ZBTB37: variants seen among roughly 807,000 people sequenced by gnomAD.
ZBTB37 encodes the protein zinc finger and BTB domain-containing protein 37.
A neutral mutation model predicts 37.7 loss-of-function variants in ZBTB37; 15 were observed. That is an observed-to-expected ratio of 0.40 (90% CI 0.27 to 0.61). The LOEUF (loss-of-function observed/expected upper bound fraction) is 0.61. Ranked by LOEUF, ZBTB37 falls within the 20% of genes least tolerant of loss-of-function variation. ZBTB37 has a pLI of 0.44. For missense variants in ZBTB37, 514 were observed against 641.9 expected, an observed-to-expected ratio of 0.80 and a Z score of 2.15; for synonymous variants, 231 against 220.6, an observed-to-expected ratio of 1.05 and a Z score of -0.42.
chr1:173,873,615 A>G (rs1007674241), intron 4 of ZBTB37, 49 bp downstream of exon 4: 7 of 1,611,840 alleles, frequency 4.3e-6, no homozygotes, highest in Admixed American at 3.4e-5. Context: ...AGGAATTGCT[A>G]CTGTGTATGA....
At chr1:173,882,486 C>T (rs896030537) in intron 4 of ZBTB37, among the ~76,000 whole-genome samples, 1 of 152,046 alleles carries the variant, frequency 6.6e-6, no homozygotes, top group African/African-American at 2.4e-5. Context: ...ATGATTCGCC[C>T]ACCTCGGCCT....
downstream of ZBTB37, chr1:173,889,091 T>A (rs1173598163): frequency 6.6e-6 from 1 of 152,226 alleles, no homozygotes; most frequent in Admixed American, 6.5e-5. Flanking sequence ...GCCACAAAAT[T>A]CATGAAAATT....
chr1:173,897,895 A>T (rs936994547), exon 4 of ZBTB37: 1 of 152,178 alleles, frequency 6.6e-6, no homozygotes, highest in African/African-American at 2.4e-5. Context: ...TCAATATTTA[A>T]TTTTGTTGCC....
chr1:173,874,235 A>G (rs1238171097), intron 4 of ZBTB37, among the ~76,000 whole-genome samples: 2 of 148,826 alleles, frequency 1.3e-5, no homozygotes, highest in African/African-American at 4.9e-5. Flanking sequence ...AGCCTGGGCC[A>G]CAAGAGTGAA....
At position 173,870,552 on chromosome 1, in the gene ZBTB37, G is replaced by A. The variant is rs200302189; in HGVS notation, c.327G>A (p.Leu109=). The A allele has an allele frequency of 7.7e-4, 1,247 of 1,614,128 alleles. 18 individuals carry two copies. The South Asian group carries it at 0.013, about 17-fold the overall frequency. The change falls in exon 3 of 5, where the codon CTG becomes CTA. Residue 109 remains leucine (L), a synonymous_variant. Coordinates refer to ENST00000427304, the Ensembl canonical transcript of ZBTB37. ...GCTACCTAACAGCTGCCAGTTTTCT[G>A]CAAATGCAGCATATTATAGACAAAT...
Position 173,886,198 on chromosome 1 carries a change from T to C in ZBTB37, c.*74T>C, listed in dbSNP as rs1279290361. 1.1e-5 allele frequency: 16 copies of C among 1,467,278 alleles called. No individual in the cohort carries two copies. The Admixed American group carries it at 3.2e-4, about 29-fold the overall frequency. The allele number at this position is 1,467,278 out of a possible 1,614,324, so 90.9% of individuals were successfully genotyped here. On this transcript the variant is annotated 3_prime_UTR_variant, in exon 5 of 5. Transcript: ENST00000427304. Reference sequence around the variant, plus strand: ...AGCCAGCATCAGAGCCATGGGCTGATACTTAGATTCACAAAATGCCACATC... The same window carrying C: ...AGCCAGCATCAGAGCCATGGGCTGACACTTAGATTCACAAAATGCCACATC...
chr1:173,889,255 A>G (rs1341508036), downstream of ZBTB37: 1 of 152,262 alleles, frequency 6.6e-6, no homozygotes, highest in Admixed American at 6.5e-5. Context: ...CACATTGGTC[A>G]TAGGAGTTAC....
chr1:173,875,435 C>G (rs1655908375), intron 4 of ZBTB37, among the ~76,000 whole-genome samples: 1 of 150,680 alleles, frequency 6.6e-6, no homozygotes, highest in Admixed American at 6.6e-5. Context: ...AAACGGTTCT[C>G]CTGCCTCAAC....
chr1:173,875,687 T>C (rs1247720337), intron 4 of ZBTB37, among the ~76,000 whole-genome samples: 1 of 151,920 alleles, frequency 6.6e-6, no homozygotes, highest in African/African-American at 2.4e-5. Flanking sequence ...AGGGTCTCAC[T>C]CTGGTTGACC....
chr1:173,893,649 A>G (rs1656937752), exon 4 of ZBTB37: 1 of 152,246 alleles, frequency 6.6e-6, no homozygotes. Context: ...CTATGAGGTA[A>G]TAACAGTAAT....
downstream of ZBTB37, chr1:173,891,267 T>G (rs560354169): frequency 6.6e-6 from 1 of 152,334 alleles, no homozygotes; most frequent in East Asian, 1.9e-4. Context: ...AAAAACTAAT[T>G]TCATTATGAA....
At chr1:173,871,212 C>G (rs144059016) in intron 3 of ZBTB37, 64 bp downstream of exon 3, 21 of 1,421,472 alleles carry the variant, frequency 1.5e-5, no homozygotes, top group Admixed American at 2.4e-5. Flanking sequence ...CTAAAGTGTC[C>G]TCTGTAGTAC....
At chr1:173,891,473 T>C (rs1656836276), downstream of ZBTB37, 1 of 152,182 alleles carries the variant, frequency 6.6e-6, no homozygotes, top group South Asian at 2.1e-4. Context: ...CAAATTCTTT[T>C]TAGACCTATC....
intron 2 of ZBTB37, 29 bp from the exon 3 acceptor site, chr1:173,870,171 A>G (rs1655450726): frequency 7.2e-7 from 1 of 1,380,900 alleles, no homozygotes; most frequent in African/African-American, 1.5e-5. Context: ...TATAATTATT[A>G]ATGAGAATAT....
chr1:173,895,900 C>A (rs1657026423), exon 4 of ZBTB37: 1 of 152,022 alleles, frequency 6.6e-6, no homozygotes, highest in Non-Finnish European at 1.5e-5. Context: ...TTGATGAACC[C>A]CAAATCAATA....
At chr1:173,870,578 G>A (rs1655479256) in exon 3 of ZBTB37, 1 of 1,614,070 alleles carries the variant, frequency 6.2e-7, no homozygotes, top group Non-Finnish European at 8.5e-7. Context: ...ATAGACAAAT[G>A]TACACAGATC....
chr1:173,872,154 T>C (rs745658465), intron 3 of ZBTB37, among the ~76,000 whole-genome samples: 15 of 152,118 alleles, frequency 9.9e-5, no homozygotes, highest in African/African-American at 1.4e-4. Context: ...CTGCAAGCTC[T>C]GCCTCCCAGG....
intron 4 of ZBTB37, among the ~76,000 whole-genome samples, chr1:173,882,461 C>G (rs186886131): frequency 6.6e-6 from 1 of 151,914 alleles, no homozygotes; most frequent in African/African-American, 2.4e-5. Flanking sequence ...AGGATGGTCT[C>G]GATCTGCTGA....
At chr1:173,898,030 G>A (rs1172766027) in exon 4 of ZBTB37, 1 of 152,138 alleles carries the variant, frequency 6.6e-6, no homozygotes, top group Non-Finnish European at 1.5e-5. Context: ...GCCAGTGGAG[G>A]TCAAGTCTGT....
Sources: allele counts gnomAD v4.1 joint callset (sites outside exome capture counted in the v4.1 genomes callset), GRCh38; gene constraint gnomAD v4.1.1; transcripts MANE v1.5; gene names NCBI Gene and HGNC (gene_info 2026-07-23, HGNC 2026-07-21).